The following ESRRG variants were observed in gnomAD, a reference collection of about 807,000 sequenced individuals.
The protein encoded by ESRRG is estrogen-related receptor gamma.
ESRRG carries 13 observed loss-of-function variants against 44.0 expected under a neutral mutation model. The ratio of observed to expected loss-of-function variants is 0.30; its 90% CI spans 0.19 to 0.47. ESRRG has a LOEUF of 0.47. Ranked by LOEUF, ESRRG falls within the 20% of genes least tolerant of loss-of-function variation. The probability of loss-of-function intolerance (pLI) is 1.00; values close to 1 mark genes in which losing one functional copy is unlikely to be tolerated. For missense variants in ESRRG, 395 were observed against 580.6 expected (o/e 0.68, Z 3.29); for synonymous variants, 215 against 214.6 (o/e 1.00, Z -0.02).
intron 1 of ESRRG, among the ~76,000 whole-genome samples, chr1:217,022,533 C>T (rs186593989): frequency 7.9e-5 from 12 of 151,738 alleles, no homozygotes; most frequent in South Asian, 4.2e-4. Context: ...TTTTTTTTAA[C>T]GCTGATTGTA....
At chr1:216,916,833 T>A (rs1247505010) in intron 2 of ESRRG, among the ~76,000 whole-genome samples, 1 of 100,006 alleles carries the variant, frequency 1.0e-5, no homozygotes, top group Non-Finnish European at 1.9e-5. Flanking sequence ...TCAGCTTTGG[T>A]CTTTTTTTTT....
chr1:216,906,894 T>A lies in ESRRG; in HGVS notation c.-14+32688A>T, dbSNP rs1436906786. The stretch of plus-strand genomic sequence containing the variant: ...TAAAACAAGAAATGAGATAAAGTGC[T>A]AAGCATGAATTCATGCATAGCATCC... On this transcript the variant is annotated intron_variant, in intron 2 of 7. Transcript: ENST00000359162. Among the ~76,000 whole-genome samples, 3 of 152,378 alleles carry A rather than the reference T, an allele frequency of 2.0e-5. No individual in the cohort carries two copies. In the East Asian group the frequency reaches 5.8e-4, roughly 29 times the overall value.
At position 216,916,607 on chromosome 1, in the gene ESRRG, A is replaced by G. The variant is rs909678460; in HGVS notation, c.-14+22975T>C. On this transcript the variant is annotated intron_variant, in intron 2 of 7. Transcript: ENST00000359162. ...AGGCCCTGGGGATGGGTCCTATACC[A>G]CTGCTGTGTTCCTCTTTTCCTCTAA... 3.3e-5 allele frequency among the ~76,000 whole-genome samples: 5 copies of G among 152,206 alleles called. No individual in the cohort carries two copies. In the South Asian group the frequency reaches 6.2e-4, roughly 19 times the overall value.
chr1:216,833,915 T>G (rs1337477669), intron 2 of ESRRG, among the ~76,000 whole-genome samples: 1 of 152,202 alleles, frequency 6.6e-6, no homozygotes. Flanking sequence ...TTATTCCCTA[T>G]GCAATGGCAT....
chr1:216,669,752 G>T (rs1488400247), intron 2 of ESRRG, among the ~76,000 whole-genome samples: 1 of 152,160 alleles, frequency 6.6e-6, no homozygotes, highest in East Asian at 1.9e-4. Flanking sequence ...CAGGCTTGCT[G>T]GTGTGTGCCT....
chr1:216,798,548 G>A (rs951323403), intron 2 of ESRRG, among the ~76,000 whole-genome samples: 1 of 152,144 alleles, frequency 6.6e-6, no homozygotes. Context: ...GTCATCAACA[G>A]CAGGGCAGTG....
At chr1:216,608,893 TA>T (rs1344082952) in intron 3 of ESRRG, among the ~76,000 whole-genome samples, 2 of 152,176 alleles carry the variant, frequency 1.3e-5, no homozygotes, top group Non-Finnish European at 2.9e-5. Flanking sequence ...GTAATATAGC[TA>T]AAAAAGAGGA....
At chr1:216,894,521 G>A (rs2058187647) in intron 2 of ESRRG, among the ~76,000 whole-genome samples, 1 of 152,026 alleles carries the variant, frequency 6.6e-6, no homozygotes, top group African/African-American at 2.4e-5. Flanking sequence ...TCTCTTGGTG[G>A]CATCTAATCT....
chr1:217,081,633 T>C (rs2091778277), intron 1 of ESRRG, among the ~76,000 whole-genome samples: 1 of 152,022 alleles, frequency 6.6e-6, no homozygotes, highest in African/African-American at 2.4e-5. Context: ...TTTTTAGAGA[T>C]GGAGCCTTGC....
chr1:216,947,086 T>A (rs1258121903), intron 1 of ESRRG, among the ~76,000 whole-genome samples: 3 of 152,196 alleles, frequency 2.0e-5, no homozygotes, highest in Non-Finnish European at 4.4e-5. Context: ...GCATCTATTT[T>A]TTTTAATCAC....
rs577421014 is a variant in ESRRG at position 216,674,792 on chromosome 1, T to C, written c.472+2284A>G. ...GCTCAACTAATTTGTAAATTTTTTA[T>C]AGAGACAGGGTTCTCACTTTGTTGC... is the stretch of plus-strand genomic sequence containing the variant. On this transcript the variant is annotated intron_variant, in intron 2 of 6. Transcript: ENST00000408911. Among the ~76,000 whole-genome samples the C allele has an allele frequency of 7.2e-5, 11 of 152,078 alleles. No individual in the cohort carries two copies. In the East Asian group the frequency reaches 2.1e-3, roughly 30 times the overall value.
intron 1 of ESRRG, among the ~76,000 whole-genome samples, chr1:216,681,712 A>G (rs2077061365): frequency 6.6e-6 from 1 of 152,188 alleles, no homozygotes; most frequent in African/African-American, 2.4e-5. Flanking sequence ...TTGTTTCACT[A>G]TTTAAAGAAG....
At chr1:216,744,487 C>T (rs2091149786) in intron 2 of ESRRG, among the ~76,000 whole-genome samples, 1 of 4,322 alleles carries the variant, frequency 2.3e-4, no homozygotes, top group Non-Finnish European at 4.9e-4. Context: ...CAGACATGCA[C>T]ACACACACAC....
At chr1:217,133,413 G>A (rs927190610) in intron 1 of ESRRG, among the ~76,000 whole-genome samples, 1 of 152,246 alleles carries the variant, frequency 6.6e-6, no homozygotes, top group Non-Finnish European at 1.5e-5. Context: ...GGAGGTACTG[G>A]GAGCCCACGC....
intron 1 of ESRRG, among the ~76,000 whole-genome samples, chr1:216,997,303 G>A (rs1200000089): frequency 6.6e-6 from 1 of 152,166 alleles, no homozygotes; most frequent in East Asian, 1.9e-4. Flanking sequence ...CCTCTCAAGA[G>A]CTCCTTAAAG....
chr1:217,022,006 C>A (rs373268780), intron 1 of ESRRG, among the ~76,000 whole-genome samples: 1 of 152,110 alleles, frequency 6.6e-6, no homozygotes, highest in South Asian at 2.1e-4. Context: ...GCTTTCCACC[C>A]CACAAGGGTA....
chr1:216,807,983 ACT>A (rs2094850902), intron 2 of ESRRG, among the ~76,000 whole-genome samples: 2 of 151,796 alleles, frequency 1.3e-5, no homozygotes, highest in Non-Finnish European at 2.9e-5. Context: ...GGGCATGGAG[ACT>A]CTAGTGTGTC....
Position 216,709,193 on chromosome 1 carries a change from A to G in ESRRG, c.56+14051T>C, listed in dbSNP as rs530829557. On this transcript the variant is annotated intron_variant, in intron 1 of 6. Transcript: ENST00000408911. ...ACAAAACTGCAAGTTCTGCACATGTATCCCAGAACTTAAAGTATAATTTAA... is the reference window on the plus strand; with the variant it reads ...ACAAAACTGCAAGTTCTGCACATGTGTCCCAGAACTTAAAGTATAATTTAA... 3.3e-5 allele frequency among the ~76,000 whole-genome samples: 5 copies of G among 152,210 alleles called. No homozygotes were observed. The East Asian group carries it at 5.8e-4, about 18-fold the overall frequency.
intron 1 of ESRRG, among the ~76,000 whole-genome samples, chr1:217,034,775 C>A (rs1357041689): frequency 6.6e-6 from 1 of 152,148 alleles, no homozygotes; most frequent in East Asian, 1.9e-4. Context: ...GACCAGGCTG[C>A]AGTGCACCAT....
Sources: gnomAD v4.1 joint callset for allele counts (sites outside exome capture counted in the v4.1 genomes callset) on GRCh38, gnomAD v4.1.1 for gene constraint, MANE v1.5 for transcripts, NCBI Gene and HGNC (gene_info 2026-07-23, HGNC 2026-07-21) for gene names.